The following RAP1GAP2 variants were observed in gnomAD, a reference collection of about 807,000 sequenced individuals.
RAP1GAP2 encodes RAP1 GTPase activating protein 2, also known as rap1 GTPase-activating protein 2.
In RAP1GAP2, 27 loss-of-function variants were observed where a neutral mutation model predicts 95.0. That is an observed-to-expected ratio of 0.28 (90% confidence interval 0.21 to 0.39). RAP1GAP2 has a LOEUF of 0.39. Ranked by LOEUF, RAP1GAP2 falls within the 10% of genes least tolerant of loss-of-function variation. The pLI, the probability that RAP1GAP2 is intolerant of heterozygous loss-of-function variation, is 1.00. For missense variants in RAP1GAP2, 771 were observed against 970.0 expected (o/e 0.79, Z 2.72); for synonymous variants, 373 against 380.9 (o/e 0.98, Z 0.24).
chr17:2,809,415 T>C (rs528414241), intron 2 of RAP1GAP2, among the ~76,000 whole-genome samples: 1 of 152,176 alleles, frequency 6.6e-6, no homozygotes, highest in East Asian at 1.9e-4. Context: ...GCTAACCGTG[T>C]GAGTGTGAGG....
chr17:2,966,099 A>T (rs2044584760), intron 8 of RAP1GAP2, among the ~76,000 whole-genome samples: 1 of 152,142 alleles, frequency 6.6e-6, no homozygotes, highest in Non-Finnish European at 1.5e-5. Flanking sequence ...AGATGCACTG[A>T]TGTTCACAAC....
intron 2 of RAP1GAP2, among the ~76,000 whole-genome samples, chr17:2,844,783 C>T (rs1168104389): frequency 6.6e-6 from 1 of 152,174 alleles, no homozygotes; most frequent in Non-Finnish European, 1.5e-5. Context: ...TTTGATTACA[C>T]CCACAAAGAG....
intron 2 of RAP1GAP2, among the ~76,000 whole-genome samples, chr17:2,821,373 CTT>C (rs10566772): frequency 0.025 from 2,926 of 118,418 alleles, 49 homozygotes; most frequent in African/African-American, 0.084. Flanking sequence ...TTCTTTACAC[CTT>C]TTTTTTTTTT....
chr17:3,000,329 T>C (rs1212881902), intron 14 of RAP1GAP2, among the ~76,000 whole-genome samples: 1 of 152,248 alleles, frequency 6.6e-6, no homozygotes, highest in African/African-American at 2.4e-5. Context: ...CAAGTGTTGG[T>C]TGAAGCAAGT....
chr17:2,933,033 G>C (rs1000251879), intron 3 of RAP1GAP2, among the ~76,000 whole-genome samples: 9 of 152,190 alleles, frequency 5.9e-5, no homozygotes, highest in African/African-American at 2.2e-4. Flanking sequence ...TGGCAGAGGG[G>C]AGGAGGCCCA....
intron 3 of RAP1GAP2, among the ~76,000 whole-genome samples, chr17:2,914,680 C>T (rs576637853): frequency 3.4e-5 from 5 of 149,166 alleles, no homozygotes; most frequent in East Asian, 2.0e-4. Flanking sequence ...TTAGTAGAGA[C>T]GGGGTTTCAC....
chr17:2,920,007 TTTC>T (rs1187167943), intron 3 of RAP1GAP2, among the ~76,000 whole-genome samples: 5 of 129,162 alleles, frequency 3.9e-5, no homozygotes, highest in South Asian at 5.3e-4. Flanking sequence ...GGCCTCCTTT[TTTC>T]TTTTTTTTTT....
intron 2 of RAP1GAP2, among the ~76,000 whole-genome samples, chr17:2,880,452 CTTT>C (rs144962259): frequency 3.6e-5 from 5 of 137,896 alleles, no homozygotes; most frequent in Non-Finnish European, 4.8e-5. Context: ...TCACCTTCTT[CTTT>C]TTTTTTTTTT....
chr17:2,919,223 A>C (rs2042671902), intron 3 of RAP1GAP2, among the ~76,000 whole-genome samples: 1 of 152,234 alleles, frequency 6.6e-6, no homozygotes, highest in African/African-American at 2.4e-5. Context: ...ACCAGGATCC[A>C]GCCCAGCATC....
intron 8 of RAP1GAP2, among the ~76,000 whole-genome samples, chr17:2,967,286 A>G (rs1450609121): frequency 1.3e-5 from 2 of 152,084 alleles, no homozygotes. Context: ...CAGGAGAATC[A>G]CCTGAACCCA....
chr17:2,846,141 C>T (rs923399571), intron 2 of RAP1GAP2, among the ~76,000 whole-genome samples: 2 of 151,392 alleles, frequency 1.3e-5, no homozygotes, highest in Admixed American at 1.3e-4. Flanking sequence ...CGAGATTGCA[C>T]CACTGCACTC....
intron 2 of RAP1GAP2, among the ~76,000 whole-genome samples, chr17:2,879,762 GTCC>G (rs1258850436): frequency 1.3e-5 from 2 of 151,734 alleles, no homozygotes; most frequent in African/African-American, 4.8e-5. Context: ...TTCCTGTTGG[GTCC>G]TCCTCCTTGC....
chr17:2,853,043 T>G (rs2071941962), intron 2 of RAP1GAP2, among the ~76,000 whole-genome samples: 1 of 150,112 alleles, frequency 6.7e-6, no homozygotes, highest in Non-Finnish European at 1.5e-5. Flanking sequence ...GGAAGCGGGG[T>G]CGCCGTGAAG....
chr17:2,999,768 GAGACCCT>G (rs1264765591), intron 14 of RAP1GAP2, among the ~76,000 whole-genome samples: 1 of 149,238 alleles, frequency 6.7e-6, no homozygotes, highest in East Asian at 1.9e-4. Flanking sequence ...GCAACATAGC[GAGACCCT>G]GTCTCTAAAA....
At chr17:2,935,337 A>G (rs2043271630) in intron 3 of RAP1GAP2, among the ~76,000 whole-genome samples, 1 of 152,174 alleles carries the variant, frequency 6.6e-6, no homozygotes, top group Admixed American at 6.5e-5. Flanking sequence ...GTGAAACCCC[A>G]TCTCTACTAA....
chr17:2,949,514 G>C (rs548145238), intron 3 of RAP1GAP2, among the ~76,000 whole-genome samples: 3 of 151,100 alleles, frequency 2.0e-5, no homozygotes, highest in South Asian at 2.1e-4. Flanking sequence ...AGTGCCTGCT[G>C]TATGCCCTGA....
rs1476023001 is a variant in RAP1GAP2 at position 2,903,937 on chromosome 17, G to T, written c.81-1347G>T. ...GGTGGGTTTCTGTCATGAAGAAGGT[G>T]TGGGGTTGGAACTGTCGCTTCGCTG... On this transcript the variant is annotated intron_variant, in intron 2 of 24. Coordinates refer to ENST00000254695, the MANE Select transcript of RAP1GAP2 (RefSeq NM_015085.5). This position sits in a 1 kb window ranked among gnomAD's most constrained non-coding sequence, Gnocchi z 4.1. Among the ~76,000 whole-genome samples, 3 of 152,206 alleles carry T rather than the reference G, an allele frequency of 2.0e-5. No homozygotes were observed. The highest frequency in any genetic ancestry group is 7.2e-5 in the African/African-American group (3 of 41,460).
At chr17:2,993,400 C>A (rs1034950885) in intron 12 of RAP1GAP2, among the ~76,000 whole-genome samples, 1 of 149,758 alleles carries the variant, frequency 6.7e-6, no homozygotes, top group Non-Finnish European at 1.5e-5. Flanking sequence ...GGTGAAACCA[C>A]GTCTCTACTA....
chr17:2,841,666 G>GTC, intron 2 of RAP1GAP2, among the ~76,000 whole-genome samples: 1 of 152,178 alleles, frequency 6.6e-6, no homozygotes, highest in Non-Finnish European at 1.5e-5. Flanking sequence ...TCAGAGAAAT[G>GTC]CTGAAGGCAG....
Sources: allele counts gnomAD v4.1 joint callset (sites outside exome capture counted in the v4.1 genomes callset), GRCh38; gene constraint gnomAD v4.1.1; non-coding constraint Gnocchi (gnomAD v3.1); transcripts MANE v1.5; gene names NCBI Gene and HGNC (gene_info 2026-07-23, HGNC 2026-07-21).